The following IKZF3 variants were observed in gnomAD, a reference collection of about 807,000 sequenced individuals.
The protein encoded by IKZF3 is IKAROS family zinc finger 3.
In IKZF3, 10 loss-of-function variants were observed where a neutral mutation model predicts 49.0. The ratio of observed to expected loss-of-function variants is 0.20; its 90% CI spans 0.13 to 0.35. IKZF3 has a LOEUF of 0.35. Ranked by LOEUF, IKZF3 falls within the 10% of genes least tolerant of loss-of-function variation. The probability of loss-of-function intolerance (pLI) is 1.00; values close to 1 mark genes in which losing one functional copy is unlikely to be tolerated. For missense variants in IKZF3, 498 were observed against 664.8 expected, an observed-to-expected ratio of 0.75 and a Z score of 2.76; for synonymous variants, 209 against 228.2, an observed-to-expected ratio of 0.92 and a Z score of 0.76.
chr17:39,810,280 T>C (rs932762864), intron 3 of IKZF3, among the ~76,000 whole-genome samples: 2 of 152,222 alleles, frequency 1.3e-5, no homozygotes, highest in Non-Finnish European at 2.9e-5. Flanking sequence ...TTATACATAG[T>C]GGACATTAAG....
chr17:39,849,084 GA>G (rs923900022), intron 1 of IKZF3, among the ~76,000 whole-genome samples: 2 of 152,098 alleles, frequency 1.3e-5, no homozygotes, highest in African/African-American at 4.8e-5. Flanking sequence ...AATAGATTAA[GA>G]AAAATAAACA....
In IKZF3 at chr17:39,777,713, A is replaced by G; in HGVS notation, c.764T>C (p.Val255Ala). 6.2e-7 allele frequency: 1 copy of G among 1,614,012 alleles called. No individual in the cohort carries two copies. Among genetic ancestry groups the G allele is most frequent in the Non-Finnish European group, 8.5e-7 (1 of 1,179,966 alleles). The change falls in exon 7 of 8, where the codon GTA (valine) becomes GCA (alanine). Residue 255 changes from valine to alanine, a missense_variant. By Grantham distance (64) the Val-to-Ala change is moderately conservative (BLOSUM62 0). Around this residue, in one of 3 missense-constraint regions of IKZF3, gnomAD observed 317 missense variants for 397.3 expected, o/e 0.80. Transcript: ENST00000346872. ...CACATTGCTTGCTAATCTGTCCAGTACGAGAGCTCTTTCACTTCCCATCTC... is the reference window on the plus strand; with the variant it reads ...CACATTGCTTGCTAATCTGTCCAGTGCGAGAGCTCTTTCACTTCCCATCTC... Reference protein sequence around the residue: ...KAEMGSERALVLDRLASNVAK... With the variant: ...KAEMGSERALALDRLASNVAK...
intron 1 of IKZF3, among the ~76,000 whole-genome samples, chr17:39,840,495 C>CATT (rs1347922672): frequency 1.3e-5 from 2 of 152,126 alleles, no homozygotes; most frequent in African/African-American, 4.8e-5. Context: ...GGTACTATTC[C>CATT]ATTACAGAAA....
In IKZF3 at chr17:39,797,120, C is replaced by T. The variant is rs1219652429; in HGVS notation, c.164-4187G>A. On this transcript the variant is annotated intron_variant, in intron 3 of 7. Coordinates refer to ENST00000346872, the MANE Select transcript of IKZF3 (RefSeq NM_012481.5). The stretch of plus-strand genomic sequence containing the variant: ...GTGGAGGTTGCAGTGAGCTGAGATC[C>T]CACCACTGCACTCCAGCTTGGGTGA... Among the ~76,000 whole-genome samples the T allele has an allele frequency of 2.6e-5, 4 of 151,170 alleles. No homozygotes were observed. In the East Asian group the frequency reaches 8.0e-4, roughly 30 times the overall value.
chr17:39,826,039 G>C (rs535290205), intron 3 of IKZF3, among the ~76,000 whole-genome samples: 2 of 152,218 alleles, frequency 1.3e-5, no homozygotes, highest in South Asian at 4.1e-4. Flanking sequence ...TTGATTTGTG[G>C]ACGGTAGTTT....
intron 3 of IKZF3, among the ~76,000 whole-genome samples, chr17:39,800,417 G>T (rs192709808): frequency 6.6e-6 from 1 of 152,052 alleles, no homozygotes; most frequent in African/African-American, 2.4e-5. Flanking sequence ...AAAGTTAAAG[G>T]CTTCCTGAAT....
At chr17:39,845,932 A>T in intron 1 of IKZF3, among the ~76,000 whole-genome samples, 1 of 152,332 alleles carries the variant, frequency 6.6e-6, no homozygotes, top group Non-Finnish European at 1.5e-5. Context: ...CAGATAAAAT[A>T]TTTTTAAATG....
intron 3 of IKZF3, among the ~76,000 whole-genome samples, chr17:39,815,437 A>C (rs1216767711): frequency 6.6e-6 from 1 of 152,200 alleles, no homozygotes; most frequent in African/African-American, 2.4e-5. Flanking sequence ...AGCATGAAAC[A>C]CATCTTCCCT....
intron 7 of IKZF3, among the ~76,000 whole-genome samples, chr17:39,771,546 T>G (rs1324864026): frequency 6.6e-6 from 1 of 152,172 alleles, no homozygotes; most frequent in Admixed American, 6.5e-5. Context: ...TTCTCAAATA[T>G]GCCACACTTA....
At chr17:39,837,701 C>G (rs1284385831) in intron 1 of IKZF3, among the ~76,000 whole-genome samples, 1 of 151,450 alleles carries the variant, frequency 6.6e-6, no homozygotes. Flanking sequence ...TGCAGTGGTG[C>G]AATCTTGGCT....
chr17:39,789,028 C>T (rs2060943175), intron 5 of IKZF3, among the ~76,000 whole-genome samples: 1 of 152,174 alleles, frequency 6.6e-6, no homozygotes, highest in African/African-American at 2.4e-5. Context: ...GCCCCAATTT[C>T]ATAGGCTCAG....
At chr17:39,821,514 A>G (rs1404327313) in intron 3 of IKZF3, among the ~76,000 whole-genome samples, 2 of 152,266 alleles carry the variant, frequency 1.3e-5, no homozygotes, top group South Asian at 2.1e-4. Context: ...GATGAACCCA[A>G]CTCCTGGGGA....
At chr17:39,852,929 C>G (rs1340513676) in intron 1 of IKZF3, among the ~76,000 whole-genome samples, 1 of 152,118 alleles carries the variant, frequency 6.6e-6, no homozygotes, top group East Asian at 1.9e-4. Flanking sequence ...CAAGATCACA[C>G]CACTGCACTC....
intron 3 of IKZF3, among the ~76,000 whole-genome samples, chr17:39,801,497 A>G (rs565001832): frequency 6.6e-6 from 1 of 152,306 alleles, no homozygotes; most frequent in East Asian, 1.9e-4. Flanking sequence ...AATGGGAAAT[A>G]TATGTATTGT....
At chr17:39,791,886 C>CT (rs1474734071) in intron 4 of IKZF3, among the ~76,000 whole-genome samples, 1 of 144,030 alleles carries the variant, frequency 6.9e-6, no homozygotes, top group African/African-American at 2.7e-5. Context: ...CTTGGTACTC[C>CT]CTTTTTTTTT....
chr17:39,843,508 T>C (rs2062540771), intron 1 of IKZF3, among the ~76,000 whole-genome samples: 2 of 152,048 alleles, frequency 1.3e-5, no homozygotes, highest in South Asian at 4.2e-4. Context: ...GGGAACATCT[T>C]TTAGTCACTA....
At position 39,801,855 on chromosome 17, in the gene IKZF3, T is replaced by C. The variant is rs548824290; in HGVS notation, c.164-8922A>G. Among the ~76,000 whole-genome samples, 3 of 152,226 alleles carry C rather than the reference T, an allele frequency of 2.0e-5. No homozygotes were observed. In the East Asian group the frequency reaches 5.8e-4, roughly 29 times the overall value. Reference sequence around the variant, plus strand: ...TTTTTTTCTCTTTTAAAATTTAAAATAATGGACGTCTGTTAATTTTGAAAA... The same window carrying C: ...TTTTTTTCTCTTTTAAAATTTAAAACAATGGACGTCTGTTAATTTTGAAAA... On this transcript the variant is annotated intron_variant, in intron 3 of 7. Transcript: ENST00000346872.
intron 3 of IKZF3, among the ~76,000 whole-genome samples, chr17:39,807,543 A>ATTTT (rs2061457715): frequency 1.0e-5 from 1 of 99,092 alleles, no homozygotes; most frequent in Admixed American, 1.2e-4. Context: ...GGACTATTTA[A>ATTTT]ATTTTTTTTT....
intron 3 of IKZF3, among the ~76,000 whole-genome samples, chr17:39,824,363 T>C (rs71369790): frequency 1.3e-4 from 20 of 152,196 alleles, no homozygotes; most frequent in Non-Finnish European, 2.6e-4. Flanking sequence ...TACAGACTTA[T>C]AGGCAGAAGG....
Sources: allele counts gnomAD v4.1 joint callset (sites outside exome capture counted in the v4.1 genomes callset), GRCh38; gene constraint gnomAD v4.1.1; regional missense constraint gnomAD v4.1.1; transcripts MANE v1.5; gene names NCBI Gene and HGNC (gene_info 2026-07-23, HGNC 2026-07-21).